Variants in RBPMS observed in about 807,000 individuals in gnomAD.
The protein encoded by RBPMS is RNA binding protein, mRNA processing factor.
In RBPMS, 7 loss-of-function variants were observed where a neutral mutation model predicts 26.8. The ratio of observed to expected loss-of-function variants is 0.26; its 90% CI spans 0.15 to 0.49. The LOEUF is 0.49. Ranked by LOEUF, RBPMS falls within the 20% of genes least tolerant of loss-of-function variation. The pLI is 0.98. For missense variants in RBPMS, 186 were observed against 250.0 expected, an observed-to-expected ratio of 0.74 and a Z score of 1.73; for synonymous variants, 96 against 93.3, an observed-to-expected ratio of 1.03 and a Z score of -0.17.
chr8:30,387,587 A>G (rs558917221), intron 1 of RBPMS, among the ~76,000 whole-genome samples: 1 of 152,250 alleles, frequency 6.6e-6, no homozygotes, highest in South Asian at 2.1e-4. Context: ...CACACATACA[A>G]CATAGATATA....
At chr8:30,490,218 C>A (rs1819241348) in intron 4 of RBPMS, among the ~76,000 whole-genome samples, 2 of 152,194 alleles carry the variant, frequency 1.3e-5, no homozygotes. Flanking sequence ...ATTCATCCTT[C>A]CTTTCTTGGA....
chr8:30,537,601 G>A (rs961846716), intron 5 of RBPMS: 1 of 456,290 alleles, frequency 2.2e-6, no homozygotes, highest in Non-Finnish European at 4.4e-6. Flanking sequence ...TGAACATGGA[G>A]AGAGGCAGTG....
At chr8:30,518,627 C>T (rs1423882212) in intron 5 of RBPMS, among the ~76,000 whole-genome samples, 4 of 141,880 alleles carry the variant, frequency 2.8e-5, no homozygotes, top group Non-Finnish European at 6.0e-5. Context: ...GGGGTTTCAC[C>T]ATGTTGGCCA....
intron 4 of RBPMS, among the ~76,000 whole-genome samples, chr8:30,482,692 C>A (rs554635315): frequency 6.6e-6 from 1 of 152,140 alleles, no homozygotes; most frequent in Non-Finnish European, 1.5e-5. Context: ...ATAACCCAAA[C>A]CCAGACTTCT....
chr8:30,514,699 T>A (rs896339093), intron 5 of RBPMS, among the ~76,000 whole-genome samples: 110 of 129,738 alleles, frequency 8.5e-4, no homozygotes, highest in African/African-American at 2.8e-3. Flanking sequence ...TTTTTTTTTT[T>A]TTTTAATGTA....
rs146710297 is a variant in RBPMS, at chr8:30,549,755, T to TCTTTC, written c.528+5135_528+5136insCCTTT. ...CTTTCTTTCTTTCTTTCTTTCCTTT[T>TCTTTC]CTTTTCTTTTCTTTTCTTCTCTCTC... On this transcript the variant is annotated intron_variant, in intron 6 of 8. Coordinates refer to ENST00000397323, the MANE Select transcript of RBPMS (RefSeq NM_001008710.3). Among the ~76,000 whole-genome samples, 130 of 129,424 alleles carry TCTTTC rather than the reference T, an allele frequency of 1.0e-3. 1 individual carries two copies. The highest frequency in any genetic ancestry group is 3.0e-3 in the African/African-American group (92 of 30,622). The allele number at this position is 129,424 out of a possible 152,430, so 84.9% of individuals were successfully genotyped here. A position where few individuals can be genotyped will look rare whatever the true frequency, so the allele number is the denominator to read the frequency against.
intron 5 of RBPMS, among the ~76,000 whole-genome samples, chr8:30,533,663 T>C (rs1824484015): frequency 6.6e-6 from 1 of 152,178 alleles, no homozygotes; most frequent in Admixed American, 6.5e-5. Flanking sequence ...TCCATTGCCA[T>C]TGTGGTGCCT....
chr8:30,391,015 G>A (rs1357209455), intron 1 of RBPMS, among the ~76,000 whole-genome samples: 2 of 152,098 alleles, frequency 1.3e-5, no homozygotes, highest in Non-Finnish European at 2.9e-5. Context: ...TGGATGGATC[G>A]GCTGGAAAAT....
intron 5 of RBPMS, among the ~76,000 whole-genome samples, chr8:30,512,286 A>AT (rs1482432218): frequency 6.6e-6 from 1 of 151,858 alleles, no homozygotes; most frequent in Non-Finnish European, 1.5e-5. Flanking sequence ...GTTTTTGTTT[A>AT]TTTTATACAT....
intron 1 of RBPMS, among the ~76,000 whole-genome samples, chr8:30,414,525 G>A (rs1809832250): frequency 1.3e-5 from 2 of 152,126 alleles, no homozygotes; most frequent in South Asian, 4.1e-4. Flanking sequence ...TTGGCCAGGA[G>A]GCTGGGCAAT....
chr8:30,483,479 A>G (rs1435681509), intron 4 of RBPMS, among the ~76,000 whole-genome samples: 1 of 152,096 alleles, frequency 6.6e-6, no homozygotes, highest in East Asian at 1.9e-4. Flanking sequence ...TTATCAGTGA[A>G]CCTCCAAGTT....
intron 5 of RBPMS, among the ~76,000 whole-genome samples, chr8:30,531,061 T>C (rs142097047): frequency 2.0e-5 from 3 of 152,246 alleles, no homozygotes; most frequent in Non-Finnish European, 4.4e-5. Context: ...CTATTTTCGG[T>C]GGCTATAATA....
intron 5 of RBPMS, among the ~76,000 whole-genome samples, chr8:30,529,043 C>G (rs1823909698): frequency 1.3e-5 from 2 of 151,550 alleles, no homozygotes; most frequent in East Asian, 3.9e-4. Flanking sequence ...TGGTAAAGCC[C>G]ACGTCTCTAC....
In RBPMS at chr8:30,555,843, T is replaced by C. The variant is rs547413953; in HGVS notation, c.529-3044T>C. ...AGCCCAGCAGAACAAGCAGCCCGAA[T>C]GGGGCTAAGAGAGAACCCTCTCCTC... On this transcript the variant is annotated intron_variant, in intron 6 of 8. Coordinates refer to ENST00000397323, the MANE Select transcript of RBPMS (RefSeq NM_001008710.3). 2.4e-5 allele frequency: 24 copies of C among 982,740 alleles called. No individual in the cohort carries two copies. In the East Asian group the frequency reaches 1.4e-3, roughly 56 times the overall value. The allele number at this position is 982,740 out of a possible 1,614,324, so 60.9% of individuals were successfully genotyped here.
intron 3 of RBPMS, among the ~76,000 whole-genome samples, chr8:30,478,689 A>G (rs541112567): frequency 4.3e-4 from 66 of 152,198 alleles, no homozygotes; most frequent in Non-Finnish European, 7.8e-4. Flanking sequence ...TAGTAGAGAC[A>G]GGGTTTCACC....
chr8:30,540,948 G>A (rs139786945), intron 5 of RBPMS, among the ~76,000 whole-genome samples: 8 of 152,306 alleles, frequency 5.3e-5, no homozygotes, highest in Non-Finnish European at 1.2e-4. Context: ...GCTGAAATCT[G>A]GAGCCAACGA....
intron 5 of RBPMS, among the ~76,000 whole-genome samples, chr8:30,505,684 CTT>C (rs1821003862): frequency 1.3e-5 from 2 of 152,146 alleles, no homozygotes; most frequent in South Asian, 4.1e-4. Context: ...ATAGGAACAT[CTT>C]TTACATAATT....
chr8:30,510,140 G>A (rs1465456886), intron 5 of RBPMS, among the ~76,000 whole-genome samples: 1 of 152,162 alleles, frequency 6.6e-6, no homozygotes, highest in South Asian at 2.1e-4. Context: ...TGCTGTTGCT[G>A]TAGAGCACTG....
At chr8:30,422,160 C>T (rs1355196715) in intron 1 of RBPMS, among the ~76,000 whole-genome samples, 2 of 150,998 alleles carry the variant, frequency 1.3e-5, no homozygotes, top group Non-Finnish European at 3.0e-5. Context: ...GAGTCTTGCT[C>T]TGTCACCCAG....
Sources: gnomAD v4.1 joint callset for allele counts (sites outside exome capture counted in the v4.1 genomes callset) on GRCh38, gnomAD v4.1.1 for gene constraint, MANE v1.5 for transcripts, NCBI Gene and HGNC (gene_info 2026-07-23, HGNC 2026-07-21) for gene names.